SYNJ1: variants seen among roughly 807,000 people sequenced by gnomAD.
SYNJ1 encodes the protein polyphosphatidylinositol phosphatase SYNJ1.
Under a neutral mutation model 168.2 loss-of-function variants are expected in SYNJ1, and 78 were observed. The observed-to-expected ratio is 0.46, with a 90% CI of 0.39 to 0.56. The LOEUF is 0.56. Ranked by LOEUF, SYNJ1 falls within the 20% of genes least tolerant of loss-of-function variation. SYNJ1 has a pLI of 0.00. For missense variants in SYNJ1, 1,303 were observed against 1,597.6 expected, an observed-to-expected ratio of 0.82 and a Z score of 3.14; for synonymous variants, 539 against 548.6, an observed-to-expected ratio of 0.98 and a Z score of 0.24.
intron 12 of SYNJ1, among the ~76,000 whole-genome samples, chr21:32,677,223 G>A (rs1482720609): frequency 6.6e-6 from 1 of 152,102 alleles, no homozygotes; most frequent in African/African-American, 2.4e-5. Context: ...TTTATATGTT[G>A]TACATATTTC....
chr21:32,690,009 A>C (rs2041964829), intron 6 of SYNJ1, among the ~76,000 whole-genome samples: 2 of 152,236 alleles, frequency 1.3e-5, no homozygotes. Context: ...TACAAGTTCA[A>C]AACTTAGCAT....
chr21:32,678,924 G>A (rs899343727), intron 11 of SYNJ1, 123 bp from the exon 12 acceptor site: 199 of 1,299,692 alleles, frequency 1.5e-4, no homozygotes, highest in Non-Finnish European at 2.0e-4. Flanking sequence ...GGACCTAATC[G>A]TTCTATTTTG....
chr21:32,685,878 T>A lies in SYNJ1; in HGVS notation c.988A>T (p.Met330Leu), dbSNP rs1438694992. 13 of 1,612,146 alleles carry A rather than the reference T, an allele frequency of 8.1e-6. No homozygotes were observed. The highest frequency in any genetic ancestry group is 1.1e-5 in the Non-Finnish European group (13 of 1,179,282). Reference protein sequence around the residue: ...KASEHAADIQMVNFDYHQMVK... With the variant: ...KASEHAADIQLVNFDYHQMVK... The stretch of plus-strand genomic sequence containing the variant: ...ATTTGATGATAGTCAAAATTCACCA[T>A]CTGGATATCAGCAGCATGTTCAGAA... Residue 330 changes from methionine to leucine, a missense_variant, in exon 9 of 33, where the codon ATG becomes TTG. Met to Leu is a conservative substitution (Grantham distance 15). This residue lies in a region of SYNJ1 where 920 missense variants were observed against 1,208.8 expected (regional missense o/e 0.76). Transcript: ENST00000674351.
At chr21:32,637,036 A>AT (rs1491217822) in intron 31 of SYNJ1, among the ~76,000 whole-genome samples, 1 of 152,186 alleles carries the variant, frequency 6.6e-6, no homozygotes, top group East Asian at 1.9e-4. Flanking sequence ...TGAGAAAATG[A>AT]TATGTGTCTT....
At chr21:32,647,526 C>T (rs2040119086) in intron 23 of SYNJ1, among the ~76,000 whole-genome samples, 1 of 152,214 alleles carries the variant, frequency 6.6e-6, no homozygotes, top group African/African-American at 2.4e-5. Context: ...CTTTGGCCTC[C>T]CAGCTTTTCA....
intron 18 of SYNJ1, among the ~76,000 whole-genome samples, chr21:32,661,551 G>A (rs1488623453): frequency 3.3e-5 from 5 of 152,234 alleles, no homozygotes; most frequent in South Asian, 4.1e-4. Flanking sequence ...ATAACGGGCC[G>A]GTGTTTGTGG....
intron 18 of SYNJ1, among the ~76,000 whole-genome samples, chr21:32,660,413 G>C (rs1384473745): frequency 1.3e-5 from 2 of 152,256 alleles, no homozygotes; most frequent in Non-Finnish European, 2.9e-5. Context: ...ACTGACGTCT[G>C]TAACACCCTA....
chr21:32,654,903 G>A (rs920475034), intron 21 of SYNJ1, among the ~76,000 whole-genome samples: 4 of 152,122 alleles, frequency 2.6e-5, no homozygotes, highest in African/African-American at 9.7e-5. Flanking sequence ...AGACTAAAAG[G>A]TAATAATCAG....
At position 32,702,041 on chromosome 21, in the gene SYNJ1, G is replaced by A. The variant is rs1435394466; in HGVS notation, c.131C>T (p.Ala44Val). 1.3e-6 allele frequency: 2 copies of A among 1,546,804 alleles called. No homozygotes were observed. The highest frequency in any genetic ancestry group is 8.8e-7 in the Non-Finnish European group (1 of 1,137,184). Residue 44 changes from alanine (A) to valine (V), a missense_variant, in exon 3 of 33, where the codon GCA becomes GTA. Around this residue, in one of 2 missense-constraint regions of SYNJ1, gnomAD observed 920 missense variants for 1,208.8 expected, o/e 0.76. Coordinates refer to ENST00000674351, the MANE Select transcript of SYNJ1 (RefSeq NM_203446.3). ...TGTACCCTTGATTGCCTCTTTTTCT[G>A]CAGATGCTACAAAAAAAAGTTTTAG... ...ESGAVAVLSS[A>V]EKEAIKGTYS... is the part of the protein sequence containing the mutation.
At chr21:32,720,076 C>T (rs1168245136) in intron 2 of SYNJ1, among the ~76,000 whole-genome samples, 7 of 152,012 alleles carry the variant, frequency 4.6e-5, no homozygotes, top group African/African-American at 1.4e-4. Context: ...CCCGTCTCTA[C>T]TAAAAATACA....
In SYNJ1 at chr21:32,642,121, G is replaced by C. The variant is rs1357583024; in HGVS notation, c.3491C>G (p.Pro1164Arg). ...TATATTATCTTTCCTTGTTGTTCCA[G>C]GGCTTTTGGGTGCTTTGAAGCAAGA... Reference protein sequence around the residue: ...ARREMEAPKSPGTTRKDNIGR... With the variant: ...ARREMEAPKSRGTTRKDNIGR... The change falls in exon 28 of 33, where the codon CCT (proline) becomes CGT (arginine). Residue 1164 changes from proline (P) to arginine (R), a missense_variant. Physicochemically the swap from Pro to Arg is moderately radical, Grantham distance 103. Coordinates refer to ENST00000674351, the MANE Select transcript of SYNJ1 (RefSeq NM_203446.3). The C allele has an allele frequency of 2.5e-6, 4 of 1,613,884 alleles. No individual in the cohort carries two copies. Among genetic ancestry groups the C allele is most frequent in the Non-Finnish European group, 3.4e-6 (4 of 1,180,018 alleles).
intron 12 of SYNJ1, among the ~76,000 whole-genome samples, chr21:32,678,135 TAGC>T (rs1016852025): frequency 3.3e-5 from 5 of 152,152 alleles, no homozygotes; most frequent in African/African-American, 1.2e-4. Context: ...AAATTGGTAA[TAGC>T]AGTTAGTGCC....
In SYNJ1 at chr21:32,665,078, G is replaced by A; in HGVS notation, c.2146-7C>T. On this transcript the variant is annotated splice_region_variant and splice_polypyrimidine_tract_variant and intron_variant, in intron 17 of 32. Coordinates refer to ENST00000674351, the MANE Select transcript of SYNJ1 (RefSeq NM_203446.3). ...GGGAAAATAGCATCCTTCCCTGAAA[G>A]CAATGAGATAGAATTTTAAATTCAA... 6.3e-7 allele frequency: 1 copy of A among 1,575,478 alleles called. No individual in the cohort carries two copies. The highest frequency in any genetic ancestry group is 8.6e-7 in the Non-Finnish European group (1 of 1,159,894).
chr21:32,660,959 CT>C (rs1450515850), intron 18 of SYNJ1, among the ~76,000 whole-genome samples: 1 of 152,212 alleles, frequency 6.6e-6, no homozygotes, highest in African/African-American at 2.4e-5. Context: ...GACTCAGAAG[CT>C]CGAAAAGCAG....
At chr21:32,723,543 A>G (rs949228343) in intron 2 of SYNJ1, among the ~76,000 whole-genome samples, 1 of 152,190 alleles carries the variant, frequency 6.6e-6, no homozygotes, top group East Asian at 1.9e-4. Context: ...CTTGGCTGCG[A>G]GCAGTGGCTC....
chr21:32,656,788 GACCAATACTGT>G lies in SYNJ1; in HGVS notation c.2683_2693del (p.Thr895LeufsTer10). 6.2e-7 allele frequency: 1 copy of G among 1,614,086 alleles called. No individual in the cohort carries two copies. Among genetic ancestry groups the G allele is most frequent in the East Asian group, 2.2e-5 (1 of 44,868 alleles). On this transcript the variant is annotated frameshift_variant, in exon 21 of 33. Transcript: ENST00000674351. LOFTEE classifies it high-confidence loss of function. ...TTTCTGGTAAAGAACTTTTGATTGAGACCAATACTGTACCATCTGGTGGACCCTGAACTGCA... is the reference window on the plus strand; with the variant it reads ...TTTCTGGTAAAGAACTTTTGATTGAGACCATCTGGTGGACCCTGAACTGCA...
chr21:32,632,355 A>G (rs1018969053), intron 32 of SYNJ1, among the ~76,000 whole-genome samples: 1 of 152,120 alleles, frequency 6.6e-6, no homozygotes, highest in African/African-American at 2.4e-5. Flanking sequence ...CTACTTGGAA[A>G]AATAAATTTT....
At chr21:32,701,915 A>G (rs1295663241) in intron 3 of SYNJ1, 46 bp downstream of exon 3, 19 of 1,414,690 alleles carry the variant, frequency 1.3e-5, no homozygotes, top group Non-Finnish European at 1.6e-5. Flanking sequence ...AGAATTACAA[A>G]ATAGAAATGA....
intron 23 of SYNJ1, among the ~76,000 whole-genome samples, chr21:32,647,729 G>T (rs2040127374): frequency 6.6e-6 from 1 of 152,136 alleles, no homozygotes. Context: ...TCCCTGCACT[G>T]ATTCCCCTGT....
Sources: gnomAD v4.1 joint callset for allele counts (sites outside exome capture counted in the v4.1 genomes callset) on GRCh38, gnomAD v4.1.1 for gene constraint, gnomAD v4.1.1 regional missense constraint, MANE v1.5 for transcripts, NCBI Gene and HGNC (gene_info 2026-07-23, HGNC 2026-07-21) for gene names.